DCC: variants seen among roughly 807,000 people sequenced by gnomAD.
DCC encodes the protein netrin receptor DCC.
DCC carries 58 observed loss-of-function variants against 172.5 expected under a neutral mutation model. That is an observed-to-expected ratio of 0.34 (90% CI 0.27 to 0.42). The LOEUF (loss-of-function observed/expected upper bound fraction) is 0.42, where lower values mean the gene tolerates loss of function less well. DCC is among the 10% of genes least tolerant of loss of function. The pLI, the probability that DCC is intolerant of heterozygous loss-of-function variation, is 1.00. For missense variants in DCC, 1,740 were observed against 1,791.0 expected, an observed-to-expected ratio of 0.97 and a Z score of 0.51; for synonymous variants, 709 against 644.5, an observed-to-expected ratio of 1.10 and a Z score of -1.52.
At chr18:52,643,823 T>A (rs2034957759) in intron 1 of DCC, among the ~76,000 whole-genome samples, 3 of 152,318 alleles carry the variant, frequency 2.0e-5, no homozygotes. Flanking sequence ...AAGCCCTCCT[T>A]GCCAGGATAA....
intron 1 of DCC, among the ~76,000 whole-genome samples, chr18:52,561,988 T>C (rs2033050478): frequency 6.6e-6 from 1 of 152,210 alleles, no homozygotes; most frequent in East Asian, 1.9e-4. Flanking sequence ...TGGTTAATTG[T>C]CTGCTATCCT....
At chr18:53,241,399 C>T (rs1488022508) in intron 12 of DCC, among the ~76,000 whole-genome samples, 1 of 152,102 alleles carries the variant, frequency 6.6e-6, no homozygotes, top group Non-Finnish European at 1.5e-5. Context: ...CCTGCTTTCC[C>T]CCACGGAGCA....
intron 1 of DCC, among the ~76,000 whole-genome samples, chr18:52,431,893 C>T (rs1050640666): frequency 6.6e-6 from 1 of 152,152 alleles, no homozygotes; most frequent in African/African-American, 2.4e-5. Flanking sequence ...CCATCCATCT[C>T]GCCTGATGAT....
At chr18:53,417,075 A>G (rs549000182) in intron 21 of DCC, among the ~76,000 whole-genome samples, 9 of 152,278 alleles carry the variant, frequency 5.9e-5, no homozygotes, top group African/African-American at 2.2e-4. Context: ...TTGGACACCT[A>G]CTGTGGGCAG....
intron 12 of DCC, among the ~76,000 whole-genome samples, chr18:53,303,339 G>A (rs1429516276): frequency 2.0e-5 from 3 of 152,082 alleles, no homozygotes; most frequent in Middle Eastern, 3.4e-3. Flanking sequence ...AGATTACCAG[G>A]GTATTAATGA....
rs1005910168 is a variant in DCC at position 53,222,761 on chromosome 18, A to G, written c.1911+7164A>G. On this transcript the variant is annotated intron_variant, in intron 12 of 28. Transcript: ENST00000442544. The stretch of plus-strand genomic sequence containing the variant: ...AAATATGTGAGGTTTCCTATTGGAG[A>G]TATTAAAGGCTATGAGAAGTATTTG... 5.5e-4 allele frequency among the ~76,000 whole-genome samples: 83 copies of G among 152,104 alleles called. 3 individuals carry two copies. Among genetic ancestry groups the G allele is most frequent in the Non-Finnish European group, 8.8e-5 (6 of 68,006 alleles).
rs532773238 is a variant in DCC, at chr18:52,855,174, T to C, written c.413-50870T>C. Among the ~76,000 whole-genome samples, 18 of 152,320 alleles carry C rather than the reference T, an allele frequency of 1.2e-4. No homozygotes were observed. In the East Asian group the frequency reaches 2.7e-3, roughly 23 times the overall value. On this transcript the variant is annotated intron_variant, in intron 2 of 28. Transcript: ENST00000442544. ...TCCTGTCTCCCAGGTTCTAGTGCTT[T>C]CCAGCCTCCCGATCAGTCCCCACTA...
chr18:53,256,301 C>T (rs2056512759), intron 12 of DCC, among the ~76,000 whole-genome samples: 1 of 152,062 alleles, frequency 6.6e-6, no homozygotes, highest in South Asian at 2.1e-4. Flanking sequence ...GCCTATGCCC[C>T]GAATGGCATT....
chr18:53,048,601 A>T (rs1440475819), intron 5 of DCC, among the ~76,000 whole-genome samples: 1 of 151,086 alleles, frequency 6.6e-6, no homozygotes, highest in Non-Finnish European at 1.5e-5. Context: ...ATATACATAC[A>T]TGTATAAAAA....
chr18:53,070,582 T>G (rs148752604), intron 7 of DCC, among the ~76,000 whole-genome samples: 2 of 152,256 alleles, frequency 1.3e-5, no homozygotes, highest in African/African-American at 4.8e-5. Context: ...GACCATAAAG[T>G]GTCAAGGCTC....
At chr18:52,340,944 T>C in intron 1 of DCC, 66 bp downstream of exon 1, 2 of 1,273,468 alleles carry the variant, frequency 1.6e-6, no homozygotes, top group South Asian at 2.4e-5. Context: ...TCTCATTTCA[T>C]TTGGCGAGTA....
At chr18:53,360,224 CTT>C (rs2057930549) in intron 15 of DCC, among the ~76,000 whole-genome samples, 1 of 151,904 alleles carries the variant, frequency 6.6e-6, no homozygotes, top group African/African-American at 2.4e-5. Context: ...TACTGTATAT[CTT>C]ATATATACTA....
intron 2 of DCC, among the ~76,000 whole-genome samples, chr18:52,803,213 C>G (rs928278250): frequency 6.6e-6 from 1 of 152,130 alleles, no homozygotes; most frequent in Admixed American, 6.5e-5. Context: ...CAATATTGCA[C>G]TAAACACTAT....
In DCC at chr18:53,008,503, C is replaced by T. The variant is rs185680095; in HGVS notation, c.986-54802C>T. ...TAGAAACCTTTTTTGTTCTACGTAA[C>T]GGGTTCTTGCAATGTAAAACTTTAC... On this transcript the variant is annotated intron_variant, in intron 5 of 28. Transcript: ENST00000442544. 1.5e-4 allele frequency among the ~76,000 whole-genome samples: 23 copies of T among 152,058 alleles called. No homozygotes were observed. In the East Asian group the frequency reaches 2.3e-3, roughly 15 times the overall value.
intron 22 of DCC, among the ~76,000 whole-genome samples, chr18:53,448,879 G>A (rs1393335): frequency 5.9e-5 from 9 of 152,110 alleles, no homozygotes; most frequent in Non-Finnish European, 1.3e-4. Flanking sequence ...CAGTCTGGAA[G>A]TTCACACCAT....
intron 2 of DCC, among the ~76,000 whole-genome samples, chr18:52,791,068 G>T (rs1583203): frequency 0.33 from 50,510 of 151,946 alleles, 10,342 homozygotes; most frequent in East Asian, 0.67. Flanking sequence ...CTGGTGGTGT[G>T]GTTGGAGCTG....
intron 13 of DCC, among the ~76,000 whole-genome samples, chr18:53,311,986 G>C (rs1250178882): frequency 6.6e-6 from 1 of 152,096 alleles, no homozygotes; most frequent in Non-Finnish European, 1.5e-5. Flanking sequence ...GATGGAAAAA[G>C]ATGTCTATTG....
intron 22 of DCC, among the ~76,000 whole-genome samples, chr18:53,435,473 T>C (rs1361611462): frequency 6.6e-6 from 1 of 152,136 alleles, no homozygotes; most frequent in African/African-American, 2.4e-5. Flanking sequence ...AAGCCCAGCA[T>C]GGAGCACTTT....
At chr18:52,826,413 A>AT (rs962387094) in intron 2 of DCC, among the ~76,000 whole-genome samples, 1 of 152,184 alleles carries the variant, frequency 6.6e-6, no homozygotes, top group African/African-American at 2.4e-5. Context: ...TTAGCCGGCC[A>AT]TAGCTTGAAA....
Sources: allele counts gnomAD v4.1 joint callset (sites outside exome capture counted in the v4.1 genomes callset), GRCh38; gene constraint gnomAD v4.1.1; transcripts MANE v1.5; gene names NCBI Gene and HGNC (gene_info 2026-07-23, HGNC 2026-07-21).